The following WSCD2 variants were observed in gnomAD, a reference collection of about 807,000 sequenced individuals.
WSCD2 encodes the protein WSC domain sialate O sulfotransferase 2.
In WSCD2, 28 loss-of-function variants were observed where a neutral mutation model predicts 55.7. The observed-to-expected ratio is 0.50, with a 90% confidence interval of 0.37 to 0.69. The LOEUF (loss-of-function observed/expected upper bound fraction) is 0.69, where lower values mean the gene tolerates loss of function less well. Ranked by LOEUF, WSCD2 falls within the 30% of genes least tolerant of loss-of-function variation. The probability of loss-of-function intolerance (pLI) is 0.00; values close to 1 mark genes in which losing one functional copy is unlikely to be tolerated. For synonymous variants in WSCD2, 301 were observed against 301.9 expected (o/e 1.00, Z 0.03); for missense variants, 616 against 762.1 (o/e 0.81, Z 2.26).
At chr12:108,164,777 C>A (rs1879445128) in intron 1 of WSCD2, among the ~76,000 whole-genome samples, 1 of 152,200 alleles carries the variant, frequency 6.6e-6, no homozygotes. Flanking sequence ...ACCCACATCT[C>A]CACATTGTGT....
intron 8 of WSCD2, among the ~76,000 whole-genome samples, chr12:108,244,882 A>G (rs1566000181): frequency 6.6e-6 from 1 of 151,924 alleles, no homozygotes; most frequent in Non-Finnish European, 1.5e-5. Context: ...TATATTTAGG[A>G]TGTACAAGTG....
chr12:108,157,260 C>T (rs1416604456), intron 1 of WSCD2, among the ~76,000 whole-genome samples: 7 of 152,204 alleles, frequency 4.6e-5, no homozygotes, highest in African/African-American at 1.7e-4. Flanking sequence ...TCCTTCACTC[C>T]ACCATTATAT....
At chr12:108,178,543 G>A (rs1766016483) in intron 1 of WSCD2, among the ~76,000 whole-genome samples, 2 of 152,204 alleles carry the variant, frequency 1.3e-5, no homozygotes, top group African/African-American at 4.8e-5. Flanking sequence ...TGTAAACTAT[G>A]GCTGAATCAT....
chr12:108,192,116 C>T (rs1883244618), intron 1 of WSCD2, among the ~76,000 whole-genome samples: 1 of 152,248 alleles, frequency 6.6e-6, no homozygotes, highest in Non-Finnish European at 1.5e-5. Flanking sequence ...GTCTCCACGA[C>T]AGCAAATGTG....
rs570349180 is a variant in WSCD2, at chr12:108,224,770, C to T, written c.714C>T (p.Arg238=). The change falls in exon 5 of 9, where the codon CGC becomes CGT. Residue 238 remains arginine, a synonymous_variant. Coordinates refer to ENST00000547525, the MANE Select transcript of WSCD2 (RefSeq NM_014653.4). ...YGSAVFRGCF[R]RPDNLSLALP... Reference sequence around the variant, plus strand: ...GTGCAGTGTTCCGGGGCTGCTTCCGCAGGCCCGACAACCTTTCCCTGGCCT... The same window carrying T: ...GTGCAGTGTTCCGGGGCTGCTTCCGTAGGCCCGACAACCTTTCCCTGGCCT... 2.8e-4 allele frequency: 452 copies of T among 1,613,464 alleles called. 5 individuals carry two copies. In the South Asian group the frequency reaches 4.8e-3, roughly 17 times the overall value.
intron 4 of WSCD2, among the ~76,000 whole-genome samples, chr12:108,222,241 A>G (rs1003016375): frequency 1.3e-5 from 2 of 152,230 alleles, no homozygotes; most frequent in African/African-American, 4.8e-5. Flanking sequence ...AGAGAGAGAC[A>G]TATGGTTTCT....
At chr12:108,199,371 G>A (rs982485499) in intron 2 of WSCD2, among the ~76,000 whole-genome samples, 1 of 152,152 alleles carries the variant, frequency 6.6e-6, no homozygotes, top group Non-Finnish European at 1.5e-5. Context: ...GCTGAGCTGA[G>A]GCTGGGCAGG....
intron 1 of WSCD2, among the ~76,000 whole-genome samples, chr12:108,147,434 G>T (rs1212695801): frequency 6.6e-6 from 1 of 152,104 alleles, no homozygotes; most frequent in Non-Finnish European, 1.5e-5. Context: ...AGGGAATAGA[G>T]GTGTAAAATT....
intron 6 of WSCD2, among the ~76,000 whole-genome samples, chr12:108,229,161 C>G (rs1278340142): frequency 6.6e-6 from 1 of 152,132 alleles, no homozygotes; most frequent in African/African-American, 2.4e-5. Context: ...TTATGTGGCT[C>G]ATCAGCCTGC....
chr12:108,216,165 T>C (rs577602105), intron 4 of WSCD2, among the ~76,000 whole-genome samples: 5 of 152,262 alleles, frequency 3.3e-5, no homozygotes, highest in East Asian at 1.9e-4. Flanking sequence ...TCAAACAAGA[T>C]TGGGGTCAAA....
chr12:108,219,872 A>C (rs1188915586), intron 4 of WSCD2, among the ~76,000 whole-genome samples: 1 of 152,226 alleles, frequency 6.6e-6, no homozygotes, highest in Non-Finnish European at 1.5e-5. Context: ...TCCTGGTGGC[A>C]GGTTAACAAT....
At chr12:108,239,333 C>T (rs934371080) in intron 7 of WSCD2, among the ~76,000 whole-genome samples, 1 of 151,404 alleles carries the variant, frequency 6.6e-6, no homozygotes, top group East Asian at 1.9e-4. Flanking sequence ...AGCATCTCTT[C>T]CCCCAGGAAA....
intron 1 of WSCD2, among the ~76,000 whole-genome samples, chr12:108,180,410 T>C (rs1881566718): frequency 1.3e-5 from 2 of 152,376 alleles, no homozygotes; most frequent in African/African-American, 4.8e-5. Context: ...GTGCAGTTTG[T>C]GCAGGATACT....
intron 3 of WSCD2, among the ~76,000 whole-genome samples, chr12:108,207,466 T>C (rs936342245): frequency 4.0e-5 from 6 of 150,364 alleles, no homozygotes; most frequent in Non-Finnish European, 7.4e-5. Context: ...GCCTCCCGGG[T>C]TCAAGCAATT....
intron 5 of WSCD2, among the ~76,000 whole-genome samples, chr12:108,226,207 G>C (rs1281946008): frequency 1.3e-5 from 2 of 152,196 alleles, no homozygotes; most frequent in Non-Finnish European, 2.9e-5. Flanking sequence ...CTACCAGGGA[G>C]AACTAGGGGT....
intron 1 of WSCD2, among the ~76,000 whole-genome samples, chr12:108,161,359 A>G (rs1227325177): frequency 6.6e-6 from 1 of 152,234 alleles, no homozygotes; most frequent in Admixed American, 6.5e-5. Flanking sequence ...GGATGAAGTC[A>G]TAGTGGAGTA....
At chr12:108,177,698 A>C (rs1881077421) in intron 1 of WSCD2, among the ~76,000 whole-genome samples, 1 of 152,158 alleles carries the variant, frequency 6.6e-6, no homozygotes, top group Non-Finnish European at 1.5e-5. Context: ...GGATGGGAGG[A>C]TCACACTTGA....
intron 6 of WSCD2, among the ~76,000 whole-genome samples, chr12:108,230,812 C>T (rs535876343): frequency 5.9e-5 from 9 of 152,256 alleles, no homozygotes; most frequent in African/African-American, 1.7e-4. Context: ...ATGGGGCAGT[C>T]ACTGAGGACC....
At chr12:108,209,197 G>T (rs1487157975) in intron 3 of WSCD2, among the ~76,000 whole-genome samples, 2 of 152,172 alleles carry the variant, frequency 1.3e-5, no homozygotes, top group East Asian at 3.9e-4. Context: ...TGAAAACCTT[G>T]CAGTGCCTGG....
Sources: gnomAD v4.1 joint callset for allele counts (sites outside exome capture counted in the v4.1 genomes callset) on GRCh38, gnomAD v4.1.1 for gene constraint, MANE v1.5 for transcripts, NCBI Gene and HGNC (gene_info 2026-07-23, HGNC 2026-07-21) for gene names.